The following UGT1A10 variants were observed in gnomAD, a reference collection of about 807,000 sequenced individuals.
The protein encoded by UGT1A10 is UDP glucuronosyltransferase family 1 member A10.
UGT1A10 carries 49 observed loss-of-function variants against 45.8 expected under a neutral mutation model. That is an observed-to-expected ratio of 1.07 (90% CI 0.85 to 1.36). UGT1A10 has a LOEUF of 1.36. Ranked by LOEUF, UGT1A10 falls within the 40% of genes most tolerant of loss-of-function variation. The pLI is 0.00. For missense variants in UGT1A10, 745 were observed against 668.6 expected, an observed-to-expected ratio of 1.11 and a Z score of -1.26; for synonymous variants, 284 against 249.7, an observed-to-expected ratio of 1.14 and a Z score of -1.29.
intron 1 of UGT1A10, among the ~76,000 whole-genome samples, chr2:233,730,180 A>C (rs1264603007): frequency 3.9e-5 from 6 of 152,190 alleles, no homozygotes; most frequent in South Asian, 2.1e-4. Flanking sequence ...TCAGGTTTTA[A>C]ATGGTCACTG....
intron 1 of UGT1A10, chr2:233,754,464 GA>G (rs1321314205): frequency 8.4e-6 from 3 of 356,342 alleles, no homozygotes; most frequent in African/African-American, 2.1e-5. Context: ...CAGCTGTTCT[GA>G]AAGTAAAGTT....
chr2:233,754,994 G>A, intron 1 of UGT1A10: 2 of 1,293,996 alleles, frequency 1.5e-6, no homozygotes. Flanking sequence ...GGTCACGGAA[G>A]CTGAAGACCT....
At chr2:233,640,044 GA>G (rs1212395066) in intron 1 of UGT1A10, among the ~76,000 whole-genome samples, 1 of 152,198 alleles carries the variant, frequency 6.6e-6, no homozygotes, top group Non-Finnish European at 1.5e-5. Flanking sequence ...CAGACCTGGG[GA>G]TAGGATGTGG....
intron 1 of UGT1A10, among the ~76,000 whole-genome samples, chr2:233,738,050 G>C (rs1314850811): frequency 6.6e-6 from 1 of 152,082 alleles, no homozygotes; most frequent in Non-Finnish European, 1.5e-5. Flanking sequence ...TTGAGGACAG[G>C]ACATGGTGGG....
chr2:233,667,109 T>C (rs1186953568), intron 1 of UGT1A10, among the ~76,000 whole-genome samples: 3 of 152,192 alleles, frequency 2.0e-5, no homozygotes, highest in Admixed American at 1.3e-4. Context: ...GCAATAAACA[T>C]ACGTGTGCAT....
At chr2:233,678,685 AT>A (rs892538963) in intron 1 of UGT1A10, among the ~76,000 whole-genome samples, 2 of 152,048 alleles carry the variant, frequency 1.3e-5, no homozygotes, top group East Asian at 1.9e-4. Context: ...TGTAAGGCCA[AT>A]TTTTTTTCTG....
intron 1 of UGT1A10, among the ~76,000 whole-genome samples, chr2:233,662,080 A>G (rs577542615): frequency 6.6e-6 from 1 of 152,314 alleles, no homozygotes; most frequent in East Asian, 1.9e-4. Flanking sequence ...TACAGTAGGC[A>G]CAGTTAACTC....
rs537677937 is a variant in UGT1A10, at chr2:233,740,168, A to T, written c.856-26866A>T. On this transcript the variant is annotated intron_variant, in intron 1 of 4. Transcript: ENST00000344644. ...CCTGAGGCCTCCCCAGTCATGTGGA[A>T]CTGTGAGTCAATTAAACCTCTTTCT... Among the ~76,000 whole-genome samples the T allele has an allele frequency of 6.6e-5, 10 of 151,934 alleles. No homozygotes were observed. In the East Asian group the frequency reaches 9.6e-4, roughly 15 times the overall value.
chr2:233,693,667 A>G, intron 1 of UGT1A10: 1 of 1,614,180 alleles, frequency 6.2e-7, no homozygotes, highest in South Asian at 1.1e-5. Context: ...AGCCCTATCT[A>G]TTTTATTGTC....
In UGT1A10 at chr2:233,743,774, T is replaced by G. The variant is rs370785747; in HGVS notation, c.856-23260T>G. On this transcript the variant is annotated intron_variant, in intron 1 of 4. Transcript: ENST00000344644. ...CAACACCTCGTAGGCCTCGGCCACC[T>G]GCTTGAATCTCCTCTCCGCTTCCTC... 2.2e-6 allele frequency: 3 copies of G among 1,367,230 alleles called. No homozygotes were observed. The African/African-American group carries it at 4.4e-5, about 20-fold the overall frequency. 84.7% of individuals were successfully genotyped at this position (1,367,230 alleles called of 1,614,324 possible).
At chr2:233,747,748 A>G in intron 1 of UGT1A10, 1 of 1,613,310 alleles carries the variant, frequency 6.2e-7, no homozygotes, top group Non-Finnish European at 8.5e-7. Flanking sequence ...ATTCCATGTG[A>G]TTTAGACTTT....
At chr2:233,671,957 G>A in intron 1 of UGT1A10, 1 of 1,613,338 alleles carries the variant, frequency 6.2e-7, no homozygotes, top group Non-Finnish European at 8.5e-7. Flanking sequence ...GGGTGGACCA[G>A]CCCCCTTCCT....
In UGT1A10 at chr2:233,767,858, C is replaced by CGGTA. The variant is rs778473109; in HGVS notation, c.998_1001dup (p.Tyr334Ter). On this transcript the variant is annotated stop_gained and frameshift_variant, in exon 3 of 5. Transcript: ENST00000344644. LOFTEE classifies it high-confidence loss of function. ...TTTTTGCCCCTCCCAGGTCCTGTGGCGGTACACTGGAACCCGACCATCGAA... is the reference window on the plus strand; with the variant it reads ...TTTTTGCCCCTCCCAGGTCCTGTGGCGGTAGGTACACTGGAACCCGACCATCGAA... 3 of 1,614,120 alleles carry CGGTA rather than the reference C, an allele frequency of 1.9e-6. No homozygotes were observed. The highest frequency in any genetic ancestry group is 2.5e-6 in the Non-Finnish European group (3 of 1,180,018).
chr2:233,689,176 AGGTGCCCCTGGAACT>A (rs1354231899), intron 1 of UGT1A10, among the ~76,000 whole-genome samples: 1 of 152,222 alleles, frequency 6.6e-6, no homozygotes, highest in Non-Finnish European at 1.5e-5. Flanking sequence ...CTACTAGGAC[AGGTGCCCCTGGAACT>A]GTCTGGCTGG....
intron 1 of UGT1A10, among the ~76,000 whole-genome samples, chr2:233,656,868 A>C (rs1300304747): frequency 6.6e-6 from 1 of 151,512 alleles, no homozygotes. Context: ...ATCCCTATTA[A>C]GATGTGCAGA....
intron 1 of UGT1A10, among the ~76,000 whole-genome samples, chr2:233,662,495 C>A (rs2073996360): frequency 6.6e-6 from 1 of 152,188 alleles, no homozygotes; most frequent in Non-Finnish European, 1.5e-5. Flanking sequence ...TTGTATCCTG[C>A]AACCATGCTA....
At chr2:233,751,144 C>T (rs1237165481) in intron 1 of UGT1A10, among the ~76,000 whole-genome samples, 2 of 151,954 alleles carry the variant, frequency 1.3e-5, no homozygotes, top group Non-Finnish European at 2.9e-5. Context: ...CTGTGGGAGC[C>T]CACTTCTGGC....
intron 1 of UGT1A10, among the ~76,000 whole-genome samples, chr2:233,655,518 T>C (rs565677137): frequency 1.3e-5 from 2 of 152,300 alleles, no homozygotes; most frequent in African/African-American, 4.8e-5. Context: ...TTCCAATGGG[T>C]GACAAGTTCC....
chr2:233,701,016 A>G (rs1263282230), intron 1 of UGT1A10, among the ~76,000 whole-genome samples: 1 of 152,140 alleles, frequency 6.6e-6, no homozygotes, highest in Non-Finnish European at 1.5e-5. Context: ...GATGGTTTCC[A>G]GTTTCATCCA....
Sources: gnomAD v4.1 joint callset for allele counts (sites outside exome capture counted in the v4.1 genomes callset) on GRCh38, gnomAD v4.1.1 for gene constraint, MANE v1.5 for transcripts, NCBI Gene and HGNC (gene_info 2026-07-23, HGNC 2026-07-21) for gene names.